EED: variants seen among roughly 807,000 people sequenced by gnomAD.
The protein encoded by EED is polycomb protein EED.
In EED, 9 loss-of-function variants were observed where a neutral mutation model predicts 61.0. That is an observed-to-expected ratio of 0.15 (90% CI 0.09 to 0.26). The LOEUF is 0.26. EED is among the 10% of genes least tolerant of loss of function. The probability of loss-of-function intolerance (pLI) is 1.00; values close to 1 mark genes in which losing one functional copy is unlikely to be tolerated. For missense variants in EED, 315 were observed against 542.3 expected (o/e 0.58, Z 4.16); for synonymous variants, 187 against 174.4 (o/e 1.07, Z -0.57).
intron 3 of EED, among the ~76,000 whole-genome samples, chr11:86,254,601 G>A (rs1945621953): frequency 2.0e-5 from 3 of 151,554 alleles, no homozygotes; most frequent in Admixed American, 2.0e-4. Context: ...TTAAAGACAT[G>A]AGCCACTGTG....
In EED at chr11:86,272,985, A is replaced by G. The variant is rs963046127; in HGVS notation, c.967-3995A>G. Among the ~76,000 whole-genome samples the G allele has an allele frequency of 1.2e-4, 18 of 152,142 alleles. No individual in the cohort carries two copies. In the East Asian group the frequency reaches 1.9e-3, roughly 16 times the overall value. The stretch of plus-strand genomic sequence containing the variant: ...TTTAGAATTCCATTTTTATTTCTCT[A>G]TAGTAACTCATTAGTCTACTATATT... On this transcript the variant is annotated intron_variant, in intron 9 of 11. Coordinates refer to ENST00000263360, the MANE Select transcript of EED (RefSeq NM_003797.5).
At chr11:86,271,606 GTTTGT>G (rs1202037849) in intron 9 of EED, among the ~76,000 whole-genome samples, 10 of 152,200 alleles carry the variant, frequency 6.6e-5, no homozygotes, top group South Asian at 4.1e-4. Context: ...GTATATTAGG[GTTTGT>G]TTTGTTTTGT....
intron 1 of EED, among the ~76,000 whole-genome samples, chr11:86,247,332 T>G (rs186653440): frequency 1.1e-4 from 16 of 152,330 alleles, no homozygotes; most frequent in Non-Finnish European, 2.4e-4. Flanking sequence ...ATACAGGATA[T>G]GAGGTTACAA....
rs539670849 is a variant in EED, at chr11:86,255,750, AAAAAT to A, written c.426+475_426+479del. Among the ~76,000 whole-genome samples the A allele has an allele frequency of 4.2e-3, 635 of 152,084 alleles. 1 individual carries two copies. Among genetic ancestry groups the A allele is most frequent in the Non-Finnish European group, 7.0e-3 (479 of 67,968 alleles). ...AAAGTTTAGGAAAAATAAAATATAT[AAAAAT>A]AAAATAAAATAGGAAATAAAAATTG... On this transcript the variant is annotated intron_variant, in intron 4 of 11. Transcript: ENST00000263360.
At chr11:86,263,223 A>C (rs779185729) in intron 6 of EED, among the ~76,000 whole-genome samples, 5 of 152,270 alleles carry the variant, frequency 3.3e-5, no homozygotes, top group African/African-American at 7.2e-5. Flanking sequence ...CATTCTGATC[A>C]CAACCACTTA....
At chr11:86,272,940 T>C (rs1044774650) in intron 9 of EED, among the ~76,000 whole-genome samples, 1 of 152,250 alleles carries the variant, frequency 6.6e-6, no homozygotes, top group African/African-American at 2.4e-5. Context: ...CCCCTAACTT[T>C]CTGGGTTACA....
At chr11:86,276,800 T>A (rs963414406) in intron 9 of EED, 180 bp from the exon 10 acceptor site, 6 of 411,024 alleles carry the variant, frequency 1.5e-5, no homozygotes, top group Admixed American at 8.7e-5. Flanking sequence ...TCAGATTTCT[T>A]GTCCTTAAGT....
intron 9 of EED, among the ~76,000 whole-genome samples, chr11:86,274,577 G>A (rs1179604170): frequency 6.6e-6 from 1 of 152,236 alleles, no homozygotes; most frequent in Non-Finnish European, 1.5e-5. Flanking sequence ...TTCCCCACTC[G>A]GTTGACCTTG....
chr11:86,251,975 G>C (rs763711593), intron 2 of EED, among the ~76,000 whole-genome samples, 173 bp from the exon 3 acceptor site: 1 of 152,184 alleles, frequency 6.6e-6, no homozygotes, highest in African/African-American at 2.4e-5. Flanking sequence ...ATTTTAAAAT[G>C]TGAAAACTAG....
chr11:86,249,086 T>G (rs1394786046), intron 1 of EED, among the ~76,000 whole-genome samples: 2 of 152,164 alleles, frequency 1.3e-5, no homozygotes, highest in East Asian at 3.8e-4. Flanking sequence ...TAATGCATAG[T>G]TTTCCACTGA....
intron 4 of EED, among the ~76,000 whole-genome samples, chr11:86,256,156 T>C (rs1459196130): frequency 1.3e-5 from 2 of 152,182 alleles, no homozygotes; most frequent in Non-Finnish European, 2.9e-5. Context: ...AGTTGAGTAG[T>C]TGTACAAGCA....
chr11:86,283,866 AAGAG>A, the EED span: 1 of 151,392 alleles, frequency 6.6e-6, no homozygotes, highest in South Asian at 2.1e-4. Flanking sequence ...AAAAAAAAAA[AAGAG>A]AATGAAGTGA....
chr11:86,266,336 T>C, intron 8 of EED, 120 bp downstream of exon 8: 1 of 833,662 alleles, frequency 1.2e-6, no homozygotes, highest in Non-Finnish European at 1.7e-6. Flanking sequence ...CTTTTAACTT[T>C]AAGGGACAAT....
At chr11:86,253,194 T>G (rs745859584) in intron 3 of EED, among the ~76,000 whole-genome samples, 1 of 152,250 alleles carries the variant, frequency 6.6e-6, no homozygotes, top group Non-Finnish European at 1.5e-5. Context: ...TTTTGGTGTT[T>G]AGTCAAATGT....
Position 86,244,901 on chromosome 11 carries a change from T to G in EED, c.-329T>G. On this transcript the variant is annotated 5_prime_UTR_variant, in exon 1 of 12. Transcript: ENST00000263360. ...CGAGGCGGTGGTGGGAAGGGAGACATACTTAATACTGCCCTCTTAATCCAA... is the reference window on the plus strand; with the variant it reads ...CGAGGCGGTGGTGGGAAGGGAGACAGACTTAATACTGCCCTCTTAATCCAA... The G allele has an allele frequency of 3.5e-6, 1 of 282,754 alleles. No individual in the cohort carries two copies. The highest frequency in any genetic ancestry group is 6.7e-6 in the Non-Finnish European group (1 of 149,828). The allele number at this position is 282,754 out of a possible 1,614,324, so 17.5% of individuals were successfully genotyped here.
chr11:86,278,396 T>C lies in EED; in HGVS notation c.1200-3T>C. On this transcript the variant is annotated splice_polypyrimidine_tract_variant and splice_region_variant and intron_variant, in intron 11 of 11. Coordinates refer to ENST00000263360, the MANE Select transcript of EED (RefSeq NM_003797.5). Reference sequence around the variant, plus strand: ...TTAACCTGTTGTCATGTTTTTTCCCTAGATGTACAACACTGACTCATCATA... The same window carrying C: ...TTAACCTGTTGTCATGTTTTTTCCCCAGATGTACAACACTGACTCATCATA... 2 of 1,611,918 alleles carry C rather than the reference T, an allele frequency of 1.2e-6. No homozygotes were observed. The highest frequency in any genetic ancestry group is 1.3e-5 in the African/African-American group (1 of 75,012).
chr11:86,260,222 T>C (rs980216539), intron 6 of EED, among the ~76,000 whole-genome samples: 1 of 152,166 alleles, frequency 6.6e-6, no homozygotes, highest in Non-Finnish European at 1.5e-5. Context: ...TTTACATTCT[T>C]TCTTTTTTTT....
the EED span, among the ~76,000 whole-genome samples, chr11:86,286,542 GA>G: frequency 6.6e-6 from 1 of 152,192 alleles, no homozygotes; most frequent in Non-Finnish European, 1.5e-5. Context: ...ACTTTTTCCA[GA>G]AGTGCTTAAA....
rs79226742 is a variant in EED at position 86,274,696 on chromosome 11, C to G, written c.967-2284C>G. On this transcript the variant is annotated intron_variant, in intron 9 of 11. Transcript: ENST00000263360. ...GCCAGGATGCCTAATTACTGCCCCC[C>G]CTAGTGGTCTCCATTTACACTCTGG... 5.1e-3 allele frequency among the ~76,000 whole-genome samples: 778 copies of G among 152,256 alleles called. 12 individuals carry two copies. Among genetic ancestry groups the G allele is most frequent in the East Asian group, 0.029 (151 of 5,178 alleles).
Sources: gnomAD v4.1 joint callset for allele counts (sites outside exome capture counted in the v4.1 genomes callset) on GRCh38, gnomAD v4.1.1 for gene constraint, MANE v1.5 for transcripts, NCBI Gene and HGNC (gene_info 2026-07-23, HGNC 2026-07-21) for gene names.